Variants in CA10 observed in about 807,000 individuals in gnomAD.
CA10 encodes the protein carbonic anhydrase-related protein 10.
Under a neutral mutation model 44.2 loss-of-function variants are expected in CA10, and 14 were observed. The ratio of observed to expected loss-of-function variants is 0.32; its 90% CI spans 0.21 to 0.50. CA10 has a LOEUF of 0.50. Among genes scored for constraint, CA10 ranks in the 20% least tolerant of loss-of-function variants. The pLI is 0.99. For missense variants in CA10, 350 were observed against 409.7 expected, an observed-to-expected ratio of 0.85 and a Z score of 1.26; for synonymous variants, 159 against 141.6, an observed-to-expected ratio of 1.12 and a Z score of -0.87.
At chr17:51,699,632 A>G (rs76792109) in intron 4 of CA10, among the ~76,000 whole-genome samples, 2 of 152,222 alleles carry the variant, frequency 1.3e-5, no homozygotes, top group South Asian at 4.2e-4. Context: ...GCTTTATTGC[A>G]TGTTGGTAGA....
chr17:52,024,823 A>C (rs2144160563), intron 2 of CA10, among the ~76,000 whole-genome samples: 1 of 152,210 alleles, frequency 6.6e-6, no homozygotes, highest in East Asian at 1.9e-4. Context: ...GTAATTGCTT[A>C]ATAAGTCAGC....
chr17:51,635,876 A>G lies in CA10; in HGVS notation c.768T>C (p.Pro256=). Residue 256 remains proline (P), a synonymous_variant, in exon 7 of 9, where the codon CCT becomes CCC. Coordinates refer to ENST00000451037, the MANE Select transcript of CA10 (RefSeq NM_020178.5). ...TCACCTGCATCCTGGTTATATAGAC[A>G]GGTTTGTTCATTATGATCCAACTTG... is the stretch of plus-strand genomic sequence containing the variant. ...ETASWIIMNK[P]VYITRMQMHS... is the part of the protein sequence containing the mutation. 1.9e-6 allele frequency: 3 copies of G among 1,600,122 alleles called. No homozygotes were observed. The highest frequency in any genetic ancestry group is 2.6e-6 in the Non-Finnish European group (3 of 1,171,920).
At chr17:51,675,250 T>C (rs1914579035) in intron 4 of CA10, among the ~76,000 whole-genome samples, 1 of 152,128 alleles carries the variant, frequency 6.6e-6, no homozygotes, top group Non-Finnish European at 1.5e-5. Context: ...GTGAATGGGA[T>C]CCGTGCCCTT....
chr17:51,957,971 T>C (rs1342646524), intron 2 of CA10, among the ~76,000 whole-genome samples: 1 of 152,010 alleles, frequency 6.6e-6, no homozygotes, highest in African/African-American at 2.4e-5. Flanking sequence ...TCTGCCTCTG[T>C]AAAATACAGC....
intron 3 of CA10, among the ~76,000 whole-genome samples, chr17:51,807,929 G>T (rs1168299085): frequency 6.6e-6 from 1 of 152,124 alleles, no homozygotes; most frequent in African/African-American, 2.4e-5. Context: ...GTAACATAGG[G>T]GTATCAACAT....
intron 4 of CA10, among the ~76,000 whole-genome samples, chr17:51,701,870 T>C (rs1260343654): frequency 6.6e-6 from 1 of 152,166 alleles, no homozygotes; most frequent in Non-Finnish European, 1.5e-5. Context: ...AGACACATTG[T>C]CTCCACTCAG....
intron 5 of CA10, among the ~76,000 whole-genome samples, chr17:51,649,717 A>T (rs1443029431): frequency 6.6e-6 from 1 of 152,186 alleles, no homozygotes; most frequent in Non-Finnish European, 1.5e-5. Context: ...CTTGGAGCTG[A>T]GGGTATGGGG....
intron 1 of CA10, among the ~76,000 whole-genome samples, chr17:52,074,742 A>T (rs1987773642): frequency 6.6e-6 from 1 of 152,134 alleles, no homozygotes; most frequent in African/African-American, 2.4e-5. Context: ...AATAATATAT[A>T]TTTCAATGTG....
At chr17:51,787,454 G>C (rs1451530169) in intron 3 of CA10, among the ~76,000 whole-genome samples, 1 of 151,602 alleles carries the variant, frequency 6.6e-6, no homozygotes, top group Non-Finnish European at 1.5e-5. Context: ...ATAATCCTTT[G>C]AATTTCACTG....
chr17:51,819,993 C>T (rs893245941), intron 3 of CA10, among the ~76,000 whole-genome samples: 1 of 152,104 alleles, frequency 6.6e-6, no homozygotes. Context: ...TGAGGGTTTA[C>T]TCTGTGCTGA....
chr17:52,119,532 A>T (rs1003375070), intron 1 of CA10, among the ~76,000 whole-genome samples: 8 of 152,148 alleles, frequency 5.3e-5, no homozygotes, highest in African/African-American at 1.9e-4. Context: ...CCTCAAGAAG[A>T]GAGGAGTTTA....
intron 3 of CA10, among the ~76,000 whole-genome samples, chr17:51,781,362 C>T (rs1219282781): frequency 6.6e-6 from 1 of 152,128 alleles, no homozygotes; most frequent in Non-Finnish European, 1.5e-5. Context: ...AATTGGGATG[C>T]ATTTGAAGAT....
intron 3 of CA10, among the ~76,000 whole-genome samples, chr17:51,750,236 C>T (rs1904846833): frequency 6.6e-6 from 1 of 152,064 alleles, no homozygotes; most frequent in African/African-American, 2.4e-5. Flanking sequence ...ACAGGAATCA[C>T]CACTAATATT....
At chr17:51,962,102 ACATATT>A (rs1240643586) in intron 2 of CA10, among the ~76,000 whole-genome samples, 6 of 152,218 alleles carry the variant, frequency 3.9e-5, no homozygotes, top group Non-Finnish European at 8.8e-5. Flanking sequence ...TCAGAGCACA[ACATATT>A]TGCATGGATT....
At chr17:52,044,782 A>G (rs1226901813) in intron 2 of CA10, among the ~76,000 whole-genome samples, 1 of 152,180 alleles carries the variant, frequency 6.6e-6, no homozygotes, top group East Asian at 1.9e-4. Context: ...TTAAAGTGCA[A>G]AGAGAAATAA....
At chr17:51,712,084 G>A (rs1915959436) in intron 4 of CA10, among the ~76,000 whole-genome samples, 1 of 152,200 alleles carries the variant, frequency 6.6e-6, no homozygotes, top group South Asian at 2.1e-4. Context: ...TCTAAAGTGA[G>A]AGCTACCCCA....
chr17:52,015,052 G>A (rs1042709611), intron 2 of CA10, among the ~76,000 whole-genome samples: 3 of 152,042 alleles, frequency 2.0e-5, no homozygotes, highest in Admixed American at 6.6e-5. Flanking sequence ...CATATAGTAT[G>A]TGCAATAATT....
intron 2 of CA10, among the ~76,000 whole-genome samples, chr17:52,015,972 G>A (rs1029373489): frequency 2.0e-5 from 3 of 152,080 alleles, no homozygotes; most frequent in African/African-American, 7.2e-5. Context: ...CCAGGTGAGT[G>A]GAAGTAGACA....
intron 2 of CA10, among the ~76,000 whole-genome samples, chr17:52,000,884 G>T (rs751047809): frequency 2.0e-4 from 28 of 140,502 alleles, no homozygotes; most frequent in Non-Finnish European, 4.1e-4. Flanking sequence ...TTAAAATCTC[G>T]ACTACAGATG....
Sources: allele counts gnomAD v4.1 joint callset (sites outside exome capture counted in the v4.1 genomes callset), GRCh38; gene constraint gnomAD v4.1.1; transcripts MANE v1.5; gene names NCBI Gene and HGNC (gene_info 2026-07-23, HGNC 2026-07-21).